ABHD17A: variants seen among roughly 807,000 people sequenced by gnomAD.
The protein encoded by ABHD17A is alpha/beta hydrolase domain-containing protein 17A.
Under a neutral mutation model 26.8 loss-of-function variants are expected in ABHD17A, and 10 were observed. That is an observed-to-expected ratio of 0.37 (90% CI 0.23 to 0.63). The LOEUF (loss-of-function observed/expected upper bound fraction) is 0.63. Ranked by LOEUF, ABHD17A falls within the 30% of genes least tolerant of loss-of-function variation. ABHD17A has a pLI of 0.61. For missense variants in ABHD17A, 292 were observed against 457.3 expected (o/e 0.64, Z 3.30); for synonymous variants, 167 against 210.9 (o/e 0.79, Z 1.80).
chr19:1,878,889 C>T (rs1486801777), intron 3 of ABHD17A: 1 of 152,306 alleles, frequency 6.6e-6, no homozygotes, highest in Non-Finnish European at 1.5e-5. Flanking sequence ...CCCCTCACAG[C>T]TCTGGGCCTA....
In ABHD17A at chr19:1,880,836, C is replaced by T; in HGVS notation, c.332+399G>A. On this transcript the variant is annotated intron_variant, in intron 2 of 4. Coordinates refer to ENST00000292577, the MANE Select transcript of ABHD17A (RefSeq NM_001130111.2). This position sits in a 1 kb window ranked among gnomAD's most constrained non-coding sequence, Gnocchi z 4.1. Reference sequence around the variant, plus strand: ...TTCCTCCAGTTCCCCCAGGCCCCCACCTAGCCCAGCCAGAAGGTAAAGGCT... The same window carrying T: ...TTCCTCCAGTTCCCCCAGGCCCCCATCTAGCCCAGCCAGAAGGTAAAGGCT... 6.2e-7 allele frequency: 1 copy of T among 1,602,762 alleles called. No homozygotes were observed. Among genetic ancestry groups the T allele is most frequent in the South Asian group, 1.1e-5 (1 of 90,010 alleles).
rs547113936 is a variant in ABHD17A at position 1,880,732 on chromosome 19, G to T, written c.332+503C>A. On this transcript the variant is annotated intron_variant, in intron 2 of 4. Coordinates refer to ENST00000292577, the MANE Select transcript of ABHD17A (RefSeq NM_001130111.2). The surrounding 1 kb of genome is among the most constrained non-coding windows in gnomAD (Gnocchi z 4.1). ...CCAAGCCCCAAGGCTGTGCTGCAAGGCCTGTCTGCTTCCCAGCACGGGAGC... is the reference window on the plus strand; with the variant it reads ...CCAAGCCCCAAGGCTGTGCTGCAAGTCCTGTCTGCTTCCCAGCACGGGAGC... Among the ~76,000 whole-genome samples, 2 of 152,360 alleles carry T rather than the reference G, an allele frequency of 1.3e-5. No individual in the cohort carries two copies. The highest frequency in any genetic ancestry group is 1.3e-4 in the Admixed American group (2 of 15,308).
chr19:1,878,324 T>A (rs1238641389), intron 3 of ABHD17A: 2 of 152,404 alleles, frequency 1.3e-5, no homozygotes, highest in African/African-American at 4.8e-5. Context: ...AGTGGACAAG[T>A]CCTCGGCCAC....
At position 1,880,237 on chromosome 19, in the gene ABHD17A, C is replaced by T. The variant is rs2012485860; in HGVS notation, c.333-122G>A. 1 of 1,038,928 alleles carries T rather than the reference C, an allele frequency of 9.6e-7. No individual in the cohort carries two copies. The highest frequency in any genetic ancestry group is 1.4e-6 in the Non-Finnish European group (1 of 705,598). 64.4% of individuals were successfully genotyped at this position (1,038,928 alleles called of 1,614,324 possible). ...CATGCCCAGTGCCTCATTTACTCCC[C>T]TCCCAAGGGGGCCAGAAGCCAGTGA... On this transcript the variant is annotated intron_variant, in intron 2 of 4. Transcript: ENST00000292577. This position sits in a 1 kb window ranked among gnomAD's most constrained non-coding sequence, Gnocchi z 4.1.
At position 1,880,922 on chromosome 19, in the gene ABHD17A, G is replaced by A; in HGVS notation, c.332+313C>T. On this transcript the variant is annotated intron_variant, in intron 2 of 4. Transcript: ENST00000292577. This position sits in a 1 kb window ranked among gnomAD's most constrained non-coding sequence, Gnocchi z 4.1. ...TGGCGAGAAGGTGGATGTACCCGCA[G>A]GCCAGGGCAGCCCCTGTGCCCCAGC... is the stretch of plus-strand genomic sequence containing the variant. 6.2e-7 allele frequency: 1 copy of A among 1,613,078 alleles called. No individual in the cohort carries two copies.
chr19:1,880,941 C>T lies in ABHD17A; in HGVS notation c.332+294G>A. The stretch of plus-strand genomic sequence containing the variant: ...CCCGCAGGCCAGGGCAGCCCCTGTG[C>T]CCCAGCTCTTGCCCAGCAGGCAACC... On this transcript the variant is annotated intron_variant, in intron 2 of 4. Transcript: ENST00000292577. This position sits in a 1 kb window ranked among gnomAD's most constrained non-coding sequence, Gnocchi z 4.1. The T allele has an allele frequency of 6.2e-7, 1 of 1,613,056 alleles. No homozygotes were observed. Among genetic ancestry groups the T allele is most frequent in the Non-Finnish European group, 8.5e-7 (1 of 1,179,916 alleles).
At position 1,880,668 on chromosome 19, in the gene ABHD17A, G is replaced by C. The variant is rs1401009985; in HGVS notation, c.333-553C>G. 6.6e-6 allele frequency among the ~76,000 whole-genome samples: 1 copy of C among 152,064 alleles called. No individual in the cohort carries two copies. The highest frequency in any genetic ancestry group is 2.4e-5 in the African/African-American group (1 of 41,386). ...CAACAAGCAAATGCGGCCAATCTCT[G>C]CTCACACTCATGCAGCCCCTCCTGG... On this transcript the variant is annotated intron_variant, in intron 2 of 4. Transcript: ENST00000292577. This position sits in a 1 kb window ranked among gnomAD's most constrained non-coding sequence, Gnocchi z 4.1.
In ABHD17A at chr19:1,879,850, C is replaced by G. The variant is rs1431147746; in HGVS notation, c.527+71G>C. On this transcript the variant is annotated intron_variant, in intron 3 of 4. Coordinates refer to ENST00000292577, the MANE Select transcript of ABHD17A (RefSeq NM_001130111.2). The surrounding 1 kb of genome is among the most constrained non-coding windows in gnomAD (Gnocchi z 7.6). Reference sequence around the variant, plus strand: ...CGCCCACCTTCCTCCCAGGGAAGCCCGCCCCCCGGCCCCCCGCCTGGTCCC... The same window carrying G: ...CGCCCACCTTCCTCCCAGGGAAGCCGGCCCCCCGGCCCCCCGCCTGGTCCC... 1.6e-5 allele frequency: 23 copies of G among 1,476,548 alleles called. No homozygotes were observed. The highest frequency in any genetic ancestry group is 2.0e-5 in the Non-Finnish European group (22 of 1,097,878). 91.5% of individuals were successfully genotyped at this position (1,476,548 alleles called of 1,614,324 possible). A position where few individuals can be genotyped will look rare whatever the true frequency, so the allele number is the denominator to read the frequency against.
rs200261680 is a variant in ABHD17A, at chr19:1,881,074, C to T, written c.332+161G>A. On this transcript the variant is annotated intron_variant, in intron 2 of 4. Transcript: ENST00000292577. Reference sequence around the variant, plus strand: ...CTGCGAGAGAAAATTGCCAGAGGGACGAGGCCGGCCTGACGGGGGATACCA... The same window carrying T: ...CTGCGAGAGAAAATTGCCAGAGGGATGAGGCCGGCCTGACGGGGGATACCA... 86 of 1,590,372 alleles carry T rather than the reference C, an allele frequency of 5.4e-5. No individual in the cohort carries two copies. The East Asian group carries it at 1.1e-3, about 20-fold the overall frequency.
At chr19:1,884,321 C>T (rs1415944959) in intron 1 of ABHD17A, among the ~76,000 whole-genome samples, 1 of 152,150 alleles carries the variant, frequency 6.6e-6, no homozygotes, top group African/African-American at 2.4e-5. Context: ...AAAGTCTAGT[C>T]TCCTCTCCTC....
At chr19:1,884,696 CAGAGCAGGCTCCTGGCT>C (rs1197710423) in intron 1 of ABHD17A, among the ~76,000 whole-genome samples, 1 of 152,016 alleles carries the variant, frequency 6.6e-6, no homozygotes, top group Non-Finnish European at 1.5e-5. Context: ...TCCGAGGTGA[CAGAGCAGGCTCCTGGCT>C]AGAGCAGACC....
chr19:1,878,725 T>C (rs1265074537), intron 3 of ABHD17A: 1 of 152,472 alleles, frequency 6.6e-6, no homozygotes, highest in Non-Finnish European at 1.5e-5. Context: ...TCGGCCTCCC[T>C]GGCCTGCTCC....
rs141368305 is a variant in ABHD17A at position 1,881,258 on chromosome 19, A to G, written c.309T>C (p.Tyr103=). ...ACCTGGCACCAGGCACGCAGCGAAC[A>G]TACATGCAGGAGACGCGGTTGCCGC... ...SARGNRVSCM[Y]VRCVPGARYT... The change falls in exon 2 of 5, where the codon TAT becomes TAC. Residue 103 remains tyrosine (Y), a synonymous_variant. Transcript: ENST00000292577. 80 of 1,610,986 alleles carry G rather than the reference A, an allele frequency of 5.0e-5. No individual in the cohort carries two copies. The highest frequency in any genetic ancestry group is 6.7e-5 in the Non-Finnish European group (79 of 1,179,734).
Position 1,880,182 on chromosome 19 carries a change from G to A in ABHD17A, c.333-67C>T. ...GCGCCCAGCTGCAGGGCAGGAGGAT[G>A]CGTAGTGACAGCCCACCCCGGTGGC... On this transcript the variant is annotated intron_variant, in intron 2 of 4. Coordinates refer to ENST00000292577, the MANE Select transcript of ABHD17A (RefSeq NM_001130111.2). The surrounding 1 kb of genome is among the most constrained non-coding windows in gnomAD (Gnocchi z 4.1). 1.3e-6 allele frequency: 2 copies of A among 1,562,434 alleles called. No homozygotes were observed. The highest frequency in any genetic ancestry group is 2.3e-5 in the East Asian group (1 of 43,820).
chr19:1,880,313 T>C lies in ABHD17A; in HGVS notation c.333-198A>G, dbSNP rs969341016. Among the ~76,000 whole-genome samples, 98 of 152,224 alleles carry C rather than the reference T, an allele frequency of 6.4e-4. No homozygotes were observed. Among genetic ancestry groups the C allele is most frequent in the South Asian group, 2.1e-3 (10 of 4,820 alleles). On this transcript the variant is annotated intron_variant, in intron 2 of 4. Coordinates refer to ENST00000292577, the MANE Select transcript of ABHD17A (RefSeq NM_001130111.2). This position sits in a 1 kb window ranked among gnomAD's most constrained non-coding sequence, Gnocchi z 4.1. ...CAGCTCCATCTCCGAGGGTTCCCCA[T>C]GGGGAGAGGACAGGACAGCTGGCAG...
chr19:1,882,715 A>ACC (rs2012576751), intron 1 of ABHD17A: 1 of 152,150 alleles, frequency 6.6e-6, no homozygotes, highest in Non-Finnish European at 1.5e-5. Context: ...TGCTAAAGCA[A>ACC]CCACAATAGT....
At chr19:1,884,460 G>C (rs1405215951) in intron 1 of ABHD17A, among the ~76,000 whole-genome samples, 1 of 152,076 alleles carries the variant, frequency 6.6e-6, no homozygotes, top group Non-Finnish European at 1.5e-5. Context: ...CCGTTCCCAC[G>C]CACTTAACTG....
At chr19:1,881,039 G>A in intron 2 of ABHD17A, 196 bp downstream of exon 2, 2 of 1,608,010 alleles carry the variant, frequency 1.2e-6, no homozygotes, top group African/African-American at 1.3e-5. Context: ...CCTGAGCCTG[G>A]TGTCCTTGTC....
intron 3 of ABHD17A, chr19:1,878,905 C>T (rs1171366917): frequency 6.6e-6 from 1 of 152,304 alleles, no homozygotes; most frequent in Non-Finnish European, 1.5e-5. Context: ...GCCTAGGTTC[C>T]TGCAGGACAA....
Sources: allele counts gnomAD v4.1 joint callset (sites outside exome capture counted in the v4.1 genomes callset), GRCh38; gene constraint gnomAD v4.1.1; non-coding constraint Gnocchi (gnomAD v3.1); transcripts MANE v1.5; gene names NCBI Gene and HGNC (gene_info 2026-07-23, HGNC 2026-07-21).